The following PPP1R21 variants were observed in gnomAD, a reference collection of about 807,000 sequenced individuals.
PPP1R21 encodes the protein protein phosphatase 1 regulatory subunit 21, also known as KLRAQ motif containing 1.
A neutral mutation model predicts 112.8 loss-of-function variants in PPP1R21; 85 were observed. The ratio of observed to expected loss-of-function variants is 0.75; its 90% CI spans 0.63 to 0.90. The LOEUF is 0.90. PPP1R21 is among the 40% of genes least tolerant of loss of function. The pLI, the probability that PPP1R21 is intolerant of heterozygous loss-of-function variation, is 0.00. For missense variants in PPP1R21, 1,199 were observed against 901.5 expected (o/e 1.33, Z -4.23); for synonymous variants, 381 against 322.3 (o/e 1.18, Z -1.95).
intron 1 of PPP1R21, among the ~76,000 whole-genome samples, chr2:48,449,237 T>G (rs1265083915): frequency 2.6e-5 from 4 of 152,214 alleles, no homozygotes; most frequent in African/African-American, 9.7e-5. Context: ...GAGCTCTGTT[T>G]CCATTTGTGG....
At chr2:48,451,128 C>A in intron 2 of PPP1R21, 52 bp downstream of exon 2, 1 of 1,467,554 alleles carries the variant, frequency 6.8e-7, no homozygotes, top group Non-Finnish European at 9.6e-7. Flanking sequence ...TTTGGTGTTG[C>A]TCAAAGCAGG....
intron 17 of PPP1R21, among the ~76,000 whole-genome samples, chr2:48,502,756 C>T (rs1670180519): frequency 6.8e-6 from 1 of 147,672 alleles, no homozygotes; most frequent in Non-Finnish European, 1.5e-5. Flanking sequence ...TCTCCACTCA[C>T]TGCAAGCTCC....
chr2:48,505,969 G>T (rs1435470879), intron 18 of PPP1R21, among the ~76,000 whole-genome samples: 1 of 152,158 alleles, frequency 6.6e-6, no homozygotes, highest in African/African-American at 2.4e-5. Flanking sequence ...GGCTATCTAG[G>T]GCCTTGACCA....
chr2:48,484,030 A>T (rs988946434), intron 13 of PPP1R21, among the ~76,000 whole-genome samples: 13 of 152,208 alleles, frequency 8.5e-5, no homozygotes, highest in African/African-American at 3.1e-4. Context: ...TCACTGTAAG[A>T]TTCCTTCAAA....
rs768362339 is a variant in PPP1R21 at position 48,507,307 on chromosome 2, T to C, written c.2007T>C (p.Asn669=). Residue 669 remains asparagine, a synonymous_variant, in exon 19 of 22, where the codon AAT becomes AAC. Coordinates refer to ENST00000294952, the MANE Select transcript of PPP1R21 (RefSeq NM_001135629.3). ...AATCTCGTGAAGACTTAATTAAAAA[T>C]CACTACATGGCAAGGATAGTGGAAC... ...DVESREDLIK[N]HYMARIVELT... The C allele has an allele frequency of 6.3e-6, 10 of 1,580,094 alleles. No individual in the cohort carries two copies. Among genetic ancestry groups the C allele is most frequent in the Non-Finnish European group, 7.7e-6 (9 of 1,168,236 alleles).
In PPP1R21 at chr2:48,460,130, A is replaced by G. The variant is rs771003630; in HGVS notation, c.576A>G (p.Glu192=). Residue 192 remains glutamate (E), a synonymous_variant, in exon 6 of 22, where the codon GAA becomes GAG. Transcript: ENST00000294952. The stretch of plus-strand genomic sequence containing the variant: ...AGACTCTAGAAAAGGAAGCCAAGGA[A>G]TGTCGACTTCGAACGGAAGAATGGT... ...KSQTLEKEAK[E]CRLRTEECQL... The G allele has an allele frequency of 1.2e-6, 2 of 1,614,176 alleles. No individual in the cohort carries two copies. Among genetic ancestry groups the G allele is most frequent in the African/African-American group, 2.7e-5 (2 of 75,052 alleles).
At chr2:48,501,558 G>T (rs796414267) in intron 17 of PPP1R21, among the ~76,000 whole-genome samples, 2 of 152,322 alleles carry the variant, frequency 1.3e-5, no homozygotes, top group African/African-American at 4.8e-5. Context: ...TCACACACTT[G>T]ATAAGTGATG....
intron 3 of PPP1R21, among the ~76,000 whole-genome samples, chr2:48,456,213 T>C (rs1667719903): frequency 1.3e-5 from 2 of 151,956 alleles, no homozygotes; most frequent in African/African-American, 4.8e-5. Context: ...AGGTGGATAA[T>C]CTGGTACTTT....
At chr2:48,441,907 G>T (rs953005043) in intron 1 of PPP1R21, among the ~76,000 whole-genome samples, 1 of 152,108 alleles carries the variant, frequency 6.6e-6, no homozygotes, top group East Asian at 1.9e-4. Flanking sequence ...TTGCAATTTG[G>T]AGAAACTGAG....
chr2:48,486,028 G>C (rs1255710131), intron 13 of PPP1R21, among the ~76,000 whole-genome samples: 1 of 149,520 alleles, frequency 6.7e-6, no homozygotes, highest in Non-Finnish European at 1.5e-5. Flanking sequence ...GTGTATATAT[G>C]TATACCTCTT....
chr2:48,441,426 T>A (rs1667026785), intron 1 of PPP1R21: 1 of 276,746 alleles, frequency 3.6e-6, no homozygotes, highest in South Asian at 3.7e-5. Flanking sequence ...ACAGGGATGA[T>A]ATGAGGTTAA....
In PPP1R21 at chr2:48,471,181, C is replaced by T. The variant is rs756084590; in HGVS notation, c.992C>T (p.Thr331Ile). The change falls in exon 10 of 22, where the codon ACT (threonine) becomes ATT (isoleucine). Residue 331 changes from threonine (T) to isoleucine (I), a missense_variant. Thr to Ile is a moderately conservative substitution (Grantham distance 89). Transcript: ENST00000294952. ...GAAAGTATCACTGAGGATACTGTGA[C>T]TGTCTTGGTAATTTTCTTCCTTGTT... The part of the protein sequence containing the change: ...LFESITEDTV[T>I]VLETTVKLKT... 1 of 1,610,132 alleles carries T rather than the reference C, an allele frequency of 6.2e-7. No homozygotes were observed. Among genetic ancestry groups the T allele is most frequent in the South Asian group, 1.1e-5 (1 of 90,948 alleles).
chr2:48,495,082 G>A (rs1463948242), intron 15 of PPP1R21, among the ~76,000 whole-genome samples: 2 of 152,198 alleles, frequency 1.3e-5, no homozygotes, highest in Admixed American at 1.3e-4. Flanking sequence ...ATGGTTGTAT[G>A]TATAAGTACT....
chr2:48,449,683 G>C (rs76875602), intron 1 of PPP1R21, among the ~76,000 whole-genome samples: 20,305 of 151,878 alleles, frequency 0.13, 1,507 homozygotes, highest in Admixed American at 0.2. Flanking sequence ...TTTCTGTTCT[G>C]TGTTCTCAGG....
chr2:48,483,001 C>T (rs192423718), intron 13 of PPP1R21, among the ~76,000 whole-genome samples: 19 of 152,072 alleles, frequency 1.2e-4, no homozygotes, highest in Non-Finnish European at 2.5e-4. Flanking sequence ...GTGTTCTCAT[C>T]ATTCAGCTTC....
intron 3 of PPP1R21, among the ~76,000 whole-genome samples, chr2:48,456,446 T>G (rs1306596493): frequency 6.6e-6 from 1 of 152,194 alleles, no homozygotes; most frequent in Non-Finnish European, 1.5e-5. Context: ...AAGCCCAGGC[T>G]TGAATTCTTT....
At position 48,486,660 on chromosome 2, in the gene PPP1R21, G is replaced by A. The variant is rs1172056280; in HGVS notation, c.1348G>A (p.Ala450Thr). 20 of 1,612,390 alleles carry A rather than the reference G, an allele frequency of 1.2e-5. No individual in the cohort carries two copies. Among genetic ancestry groups the A allele is most frequent in the Non-Finnish European group, 1.7e-5 (20 of 1,178,618 alleles). ...TTCCAAACATTATAGTCAAAAAGCT[G>A]CAATAGAGCATGAACTTCCAACAGC... The part of the protein sequence containing the change: ...DISKHYSQKA[A>T]IEHELPTATQ... The change falls in exon 14 of 22, where the codon GCA (alanine) becomes ACA (threonine). Residue 450 changes from alanine to threonine, a missense_variant. Coordinates refer to ENST00000294952, the MANE Select transcript of PPP1R21 (RefSeq NM_001135629.3).
At chr2:48,464,583 G>A (rs1668118312) in intron 7 of PPP1R21, among the ~76,000 whole-genome samples, 1 of 152,140 alleles carries the variant, frequency 6.6e-6, no homozygotes, top group Non-Finnish European at 1.5e-5. Flanking sequence ...TTAGCGTGGC[G>A]GCTTTGTGGA....
chr2:48,507,341 C>T lies in PPP1R21; in HGVS notation c.2041C>T (p.Gln681Ter), dbSNP rs1004264740. The T allele has an allele frequency of 1.9e-6, 3 of 1,595,666 alleles. No homozygotes were observed. Among genetic ancestry groups the T allele is most frequent in the African/African-American group, 2.7e-5 (2 of 73,520 alleles). Residue 681 changes from glutamine (Q) to a stop codon, truncating the protein, a stop_gained, in exon 19 of 22, where the codon CAG (glutamine) becomes TAG (stop). Transcript: ENST00000294952. LOFTEE classifies it high-confidence loss of function. ...YMARIVELTS[Q>*]LQLADSKSVH... ...GGCAAGGATAGTGGAACTTACGTCT[C>T]AGTTGCAGCTGGCTGACAGTAAGTC...
Sources: gnomAD v4.1 joint callset for allele counts (sites outside exome capture counted in the v4.1 genomes callset) on GRCh38, gnomAD v4.1.1 for gene constraint, MANE v1.5 for transcripts, NCBI Gene and HGNC (gene_info 2026-07-23, HGNC 2026-07-21) for gene names.